Variants in COG6 observed in about 807,000 individuals in gnomAD.
The protein encoded by COG6 is conserved oligomeric Golgi complex subunit 6.
In COG6, 74 loss-of-function variants were observed where a neutral mutation model predicts 88.8. The ratio of observed to expected loss-of-function variants is 0.83; its 90% confidence interval spans 0.69 to 1.01. The LOEUF is 1.01. COG6 is among the 50% of genes least tolerant of loss of function. The pLI is 0.00. For missense variants in COG6, 800 were observed against 797.9 expected (o/e 1.00, Z -0.03); for synonymous variants, 286 against 278.7 (o/e 1.03, Z -0.26).
chr13:39,656,061 C>T (rs967347085), intron 1 of COG6, 182 bp downstream of exon 1: 15 of 771,188 alleles, frequency 1.9e-5, no homozygotes, highest in Non-Finnish European at 3.4e-5. Flanking sequence ...AGGGGGAGCC[C>T]CAGCAACCTC....
chr13:39,689,037 A>G (rs1321716195), intron 10 of COG6, among the ~76,000 whole-genome samples: 2 of 152,208 alleles, frequency 1.3e-5, no homozygotes, highest in Non-Finnish European at 2.9e-5. Flanking sequence ...TATATGTTAG[A>G]TTGGCACAAA....
intron 18 of COG6, among the ~76,000 whole-genome samples, chr13:39,737,137 T>C (rs1197776442): frequency 1.3e-5 from 2 of 151,942 alleles, no homozygotes; most frequent in African/African-American, 4.8e-5. Flanking sequence ...GTGTAGACTC[T>C]TGTTCTCTTC....
intron 18 of COG6, among the ~76,000 whole-genome samples, chr13:39,744,276 A>G (rs1880213214): frequency 6.6e-6 from 1 of 152,226 alleles, no homozygotes; most frequent in East Asian, 1.9e-4. Context: ...AGAGAGAGAA[A>G]TAAAGGATAT....
At chr13:39,770,173 C>G (rs1039493139) in intron 18 of COG6, among the ~76,000 whole-genome samples, 6 of 152,160 alleles carry the variant, frequency 3.9e-5, no homozygotes, top group African/African-American at 1.4e-4. Flanking sequence ...AATTAACACC[C>G]ACGACTACTG....
chr13:39,791,572 T>C (rs1268288749), exon 19 of COG6: 1 of 151,926 alleles, frequency 6.6e-6, no homozygotes, highest in African/African-American at 2.4e-5. Flanking sequence ...AGATTATATA[T>C]CTGAAAAAAA....
Position 39,727,230 on chromosome 13 carries a change from G to T in COG6, c.1747-239G>T, listed in dbSNP as rs765221178. Among the ~76,000 whole-genome samples the T allele has an allele frequency of 6.2e-4, 94 of 151,946 alleles. 1 individual carries two copies. Among genetic ancestry groups the T allele is most frequent in the Admixed American group, 2.6e-4 (4 of 15,242 alleles). On this transcript the variant is annotated intron_variant, in intron 17 of 18. Transcript: ENST00000455146. The stretch of plus-strand genomic sequence containing the variant: ...CTTTGTGAGGAAGACTAAAATGAAT[G>T]GTTTGGATTCAGGATTTTGAAAGTA...
At chr13:39,757,871 C>T (rs1207158939) in intron 18 of COG6, among the ~76,000 whole-genome samples, 1 of 152,212 alleles carries the variant, frequency 6.6e-6, no homozygotes, top group East Asian at 1.9e-4. Context: ...AGTTCAAACC[C>T]GTATTGCTCA....
intron 13 of COG6, among the ~76,000 whole-genome samples, chr13:39,707,348 C>T (rs1404670972): frequency 1.3e-5 from 2 of 151,862 alleles, no homozygotes; most frequent in African/African-American, 4.8e-5. Flanking sequence ...AGGATGGTCT[C>T]TATCTCTTGA....
At chr13:39,679,897 A>G (rs937522299) in intron 6 of COG6, 78 bp from the exon 7 acceptor site, 1 of 781,080 alleles carries the variant, frequency 1.3e-6, no homozygotes, top group Non-Finnish European at 2.2e-6. Context: ...GTAATATGTA[A>G]TATGCAAACA....
intron 11 of COG6, among the ~76,000 whole-genome samples, chr13:39,693,865 T>C (rs1021679378): frequency 1.1e-4 from 17 of 152,026 alleles, no homozygotes; most frequent in African/African-American, 3.4e-4. Context: ...AGATGTAAAA[T>C]AGGCAGAAGA....
Position 39,748,711 on chromosome 13 carries a change from G to A in COG6, c.1827-2235G>A, listed in dbSNP as rs1593471550. On this transcript the variant is annotated intron_variant, in intron 18 of 18. Transcript: ENST00000455146. ...TCCCTTCCCTTTCAGCAGAAAGGTA[G>A]TACAACCAGTAGCACCAGTCTACTC... Among the ~76,000 whole-genome samples the A allele has an allele frequency of 2.0e-5, 3 of 151,980 alleles. No individual in the cohort carries two copies. The South Asian group carries it at 6.2e-4, about 32-fold the overall frequency.
chr13:39,733,667 A>G lies in COG6; in HGVS notation c.1826+6119A>G, dbSNP rs563689262. ...TACTGGCCTCATAGAATGAACGTGG[A>G]AGTATTCCCTTCTCATCTATTTCTT... On this transcript the variant is annotated intron_variant, in intron 18 of 18. Coordinates refer to ENST00000455146, the MANE Select transcript of COG6 (RefSeq NM_020751.3). 5.3e-5 allele frequency among the ~76,000 whole-genome samples: 8 copies of G among 152,010 alleles called. No homozygotes were observed. The South Asian group carries it at 1.7e-3, about 32-fold the overall frequency.
chr13:39,667,818 T>A (rs1012067271), intron 4 of COG6, among the ~76,000 whole-genome samples: 10 of 152,158 alleles, frequency 6.6e-5, no homozygotes, highest in African/African-American at 2.4e-4. Context: ...TATTTAGAAG[T>A]ATAGGACTAA....
intron 18 of COG6, among the ~76,000 whole-genome samples, chr13:39,772,792 C>T (rs1454538414): frequency 1.3e-5 from 2 of 152,214 alleles, no homozygotes; most frequent in African/African-American, 4.8e-5. Context: ...ACCTTGGGCT[C>T]TCCTGCCCCC....
Position 39,692,142 on chromosome 13 carries a change from G to A in COG6, c.1074+2318G>A, listed in dbSNP as rs945496408. On this transcript the variant is annotated intron_variant, in intron 11 of 18. Transcript: ENST00000455146. Reference sequence around the variant, plus strand: ...GATAAGATCTGTAAACCTATTGCCAGTTTAAAGAATCTGTGCTCTAAGTTT... The same window carrying A: ...GATAAGATCTGTAAACCTATTGCCAATTTAAAGAATCTGTGCTCTAAGTTT... Among the ~76,000 whole-genome samples the A allele has an allele frequency of 2.0e-5, 3 of 152,126 alleles. No homozygotes were observed. The South Asian group carries it at 6.2e-4, about 32-fold the overall frequency.
rs1357289837 is a variant in COG6 at position 39,752,160 on chromosome 13, A to T, written c.*1067A>T. The T allele has an allele frequency of 8.4e-7, 1 of 1,190,088 alleles. No homozygotes were observed. Among genetic ancestry groups the T allele is most frequent in the Admixed American group, 3.1e-5 (1 of 32,718 alleles). 73.7% of individuals were successfully genotyped at this position (1,190,088 alleles called of 1,614,324 possible). A position where few individuals can be genotyped will look rare whatever the true frequency, so the allele number is the denominator to read the frequency against. On this transcript the variant is annotated 3_prime_UTR_variant, in exon 19 of 19. Transcript: ENST00000455146. ...CATTCTTGTCAGCAAAAAAAAACTT[A>T]ATTTCTAGTAAATCTATAAAAATGG...
chr13:39,724,325 A>G (rs142533290), intron 16 of COG6, among the ~76,000 whole-genome samples, 183 bp from the exon 17 acceptor site: 1 of 152,038 alleles, frequency 6.6e-6, no homozygotes, highest in East Asian at 1.9e-4. Context: ...TGCTCTCTCC[A>G]ACAAATCATA....
chr13:39,762,422 A>T (rs1356494140), intron 18 of COG6, among the ~76,000 whole-genome samples: 1 of 151,900 alleles, frequency 6.6e-6, no homozygotes, highest in Non-Finnish European at 1.5e-5. Flanking sequence ...AAGTACAGCT[A>T]AATAGTAGAA....
chr13:39,721,950 T>C lies in COG6; in HGVS notation c.1585-1383T>C, dbSNP rs577775183. ...TAAAAATTATTTGCATCTTGGACTT[T>C]GGAGAACCATTTCAATGTAAAGATT... On this transcript the variant is annotated intron_variant, in intron 15 of 18. Transcript: ENST00000455146. Among the ~76,000 whole-genome samples, 27 of 152,208 alleles carry C rather than the reference T, an allele frequency of 1.8e-4. No homozygotes were observed. In the South Asian group the frequency reaches 5.0e-3, roughly 28 times the overall value.
Sources: gnomAD v4.1 joint callset for allele counts (sites outside exome capture counted in the v4.1 genomes callset) on GRCh38, gnomAD v4.1.1 for gene constraint, MANE v1.5 for transcripts, NCBI Gene and HGNC (gene_info 2026-07-23, HGNC 2026-07-21) for gene names.